Variants in PLXNA1 observed in about 807,000 individuals in gnomAD.
The protein encoded by PLXNA1 is plexin A1.
Under a neutral mutation model 191.7 loss-of-function variants are expected in PLXNA1, and 77 were observed. The observed-to-expected ratio is 0.40, with a 90% CI of 0.33 to 0.49. The LOEUF (loss-of-function observed/expected upper bound fraction) is 0.49, where lower values mean the gene tolerates loss of function less well. PLXNA1 is among the 20% of genes least tolerant of loss of function. The probability of loss-of-function intolerance (pLI) is 0.63; values close to 1 mark genes in which losing one functional copy is unlikely to be tolerated. For missense variants in PLXNA1, 2,110 were observed against 2,660.2 expected (o/e 0.79, Z 4.55); for synonymous variants, 1,137 against 1,156.4 (o/e 0.98, Z 0.34).
At position 127,016,547 on chromosome 3, in the gene PLXNA1, A is replaced by AC. The variant is rs767250803; in HGVS notation, c.3051dup (p.Gly1018ArgfsTer22). ...ACTCCCGTGAGATCCGGTGCCTGAC[A>AC]CCCCCCGGGCAGAGCCCTGGCAGCG... On this transcript the variant is annotated frameshift_variant, in exon 16 of 32. Coordinates refer to ENST00000393409, the MANE Select transcript of PLXNA1 (RefSeq NM_032242.4). LOFTEE classifies it high-confidence loss of function. The AC allele has an allele frequency of 1.9e-6, 3 of 1,613,294 alleles. No homozygotes were observed. The highest frequency in any genetic ancestry group is 8.5e-7 in the Non-Finnish European group (1 of 1,179,796).
intron 8 of PLXNA1, among the ~76,000 whole-genome samples, chr3:127,007,594 T>G (rs551677333): frequency 1.3e-5 from 2 of 152,110 alleles, no homozygotes; most frequent in South Asian, 2.1e-4. Context: ...GCAAGACACC[T>G]CCAGCTGTCG....
At chr3:127,008,015 C>A in intron 9 of PLXNA1, 102 bp downstream of exon 9, 1 of 714,890 alleles carries the variant, frequency 1.4e-6, no homozygotes, top group Non-Finnish European at 2.3e-6. Context: ...CAGGGAGCAC[C>A]TGTGGATGTC....
chr3:127,009,543 G>T (rs967729247), intron 9 of PLXNA1, among the ~76,000 whole-genome samples: 16 of 151,740 alleles, frequency 1.1e-4, no homozygotes, highest in African/African-American at 3.9e-4. Flanking sequence ...ACAATGGCCA[G>T]TGGCAGTCCC....
rs925924527 is a variant in PLXNA1, at chr3:127,014,778, C to T, written c.2824C>T (p.Arg942Trp). ...TGACGCCCTGGTGGAGGTGTGTGTG[C>T]GGGACTGCTCACCACACTACCGCGC... ...AHDALVEVCV[R>W]DCSPHYRALS... The change falls in exon 14 of 32, where the codon CGG becomes TGG. Residue 942 changes from arginine to tryptophan, a missense_variant. This residue lies in a region of PLXNA1 where 644 missense variants were observed against 714.3 expected (regional missense o/e 0.90). Transcript: ENST00000393409. The T allele has an allele frequency of 9.3e-6, 15 of 1,612,494 alleles. No homozygotes were observed. Among genetic ancestry groups the T allele is most frequent in the African/African-American group, 4.0e-5 (3 of 74,926 alleles).
At chr3:127,018,605 C>G in intron 20 of PLXNA1, 77 bp downstream of exon 20, 1 of 1,088,506 alleles carries the variant, frequency 9.2e-7, no homozygotes, top group Non-Finnish European at 1.3e-6. Flanking sequence ...ACCTACTTCC[C>G]ACCGCCGCCC....
chr3:126,988,579 A>G lies in PLXNA1; in HGVS notation c.-15A>G, dbSNP rs780387140. The G allele has an allele frequency of 1.4e-6, 2 of 1,475,020 alleles. No homozygotes were observed. The highest frequency in any genetic ancestry group is 2.8e-5 in the African/African-American group (2 of 70,942). 91.4% of individuals were successfully genotyped at this position (1,475,020 alleles called of 1,614,324 possible). Reference sequence around the variant, plus strand: ...AGCAGGACCAGAGCACCGAGGCCCAAGGCCCCAGCCTGCCATGCCGCTGCC... The same window carrying G: ...AGCAGGACCAGAGCACCGAGGCCCAGGGCCCCAGCCTGCCATGCCGCTGCC... On this transcript the variant is annotated 5_prime_UTR_variant, in exon 2 of 32. Coordinates refer to ENST00000393409, the MANE Select transcript of PLXNA1 (RefSeq NM_032242.4).
In PLXNA1 at chr3:127,029,018, C is replaced by T. The variant is rs931246743; in HGVS notation, c.4695C>T (p.Arg1565=). 3 of 1,613,404 alleles carry T rather than the reference C, an allele frequency of 1.9e-6. No homozygotes were observed. Among genetic ancestry groups the T allele is most frequent in the Non-Finnish European group, 2.5e-6 (3 of 1,179,908 alleles). ...AGTGGCGCCAGGGCCGCATGGCGCG[C>T]ATCATCCTGCAGGACGAGGACGTCA... ...DLEWRQGRMA[R]IILQDEDVTT... Residue 1565 remains arginine (R), a synonymous_variant, in exon 26 of 32, where the codon CGC becomes CGT. Transcript: ENST00000393409.
chr3:127,007,804 T>G lies in PLXNA1; in HGVS notation c.2003T>G (p.Leu668Arg). 6.2e-7 allele frequency: 1 copy of G among 1,610,580 alleles called. No homozygotes were observed. The highest frequency in any genetic ancestry group is 8.5e-7 in the Non-Finnish European group (1 of 1,177,722). ...CACCCACCCTCTCCCTGCAGCTGCC[T>G]GTCCTGTGTCAACGGCTCCTTTCCC... ...FYNCSVHQSC[L>R]SCVNGSFPCH... Residue 668 changes from leucine to arginine, a missense_variant, in exon 9 of 32, where the codon CTG becomes CGG. Physicochemically the swap from Leu to Arg is moderately radical, Grantham distance 102. Coordinates refer to ENST00000393409, the MANE Select transcript of PLXNA1 (RefSeq NM_032242.4).
intron 3 of PLXNA1, among the ~76,000 whole-genome samples, chr3:126,996,929 A>G (rs1181830693): frequency 2.0e-5 from 3 of 152,194 alleles, no homozygotes; most frequent in African/African-American, 7.2e-5. Context: ...ACACACATGG[A>G]AGCGTGCATT....
intron 3 of PLXNA1, among the ~76,000 whole-genome samples, chr3:127,001,739 G>A (rs2079041830): frequency 6.6e-6 from 1 of 152,234 alleles, no homozygotes; most frequent in African/African-American, 2.4e-5. Context: ...GGTGATTGCT[G>A]TGGGCCTGGC....
chr3:126,997,117 T>C (rs571427347), intron 3 of PLXNA1, among the ~76,000 whole-genome samples: 17 of 152,160 alleles, frequency 1.1e-4, no homozygotes, highest in Non-Finnish European at 2.1e-4. Flanking sequence ...TGGGCAGCTG[T>C]GGTGCGTGCC....
Position 127,029,058 on chromosome 3 carries a change from A to G in PLXNA1, c.4735A>G (p.Asn1579Asp), listed in dbSNP as rs762142920. The G allele has an allele frequency of 6.2e-7, 1 of 1,613,760 alleles. No individual in the cohort carries two copies. The highest frequency in any genetic ancestry group is 8.5e-7 in the Non-Finnish European group (1 of 1,179,902). ...CGAGGACGTCACCACCAAGATTGAC[A>G]ACGATTGGAAGAGGCTGAACACACT... ...QDEDVTTKID[N>D]DWKRLNTLAH... is the part of the protein sequence containing the mutation. The change falls in exon 26 of 32, where the codon AAC (asparagine) becomes GAC (aspartate). Residue 1579 changes from asparagine to aspartate, a missense_variant. By Grantham distance (23) the Asn-to-Asp change is conservative. Around this residue, in one of 4 missense-constraint regions of PLXNA1, gnomAD observed 559 missense variants for 911.5 expected, o/e 0.61. Transcript: ENST00000393409.
chr3:127,013,967 G>A (rs2107631458), intron 10 of PLXNA1, 53 bp from the exon 11 acceptor site: 1 of 1,532,262 alleles, frequency 6.5e-7, no homozygotes, highest in Non-Finnish European at 9.0e-7. Context: ...GTGAGGCTTG[G>A]GAGGCCTGGA....
intron 23 of PLXNA1, among the ~76,000 whole-genome samples, chr3:127,023,340 AT>A (rs2079161362): frequency 6.6e-6 from 1 of 152,216 alleles, no homozygotes; most frequent in African/African-American, 2.4e-5. Context: ...GGTGGGCTTT[AT>A]CTGGGCAGTA....
At position 127,015,291 on chromosome 3, in the gene PLXNA1, G is replaced by T; in HGVS notation, c.2985G>T (p.Ser995=). ...HLNAGSDVAV[S]VGGRPCSFSW... ...ACGCAGGCAGTGATGTGGCTGTGTC[G>T]GTCGGTGGCCGGCCCTGCTCCTTCT... Residue 995 remains serine (S), a synonymous_variant, in exon 15 of 32, where the codon TCG becomes TCT. Coordinates refer to ENST00000393409, the MANE Select transcript of PLXNA1 (RefSeq NM_032242.4). The T allele has an allele frequency of 6.2e-7, 1 of 1,610,480 alleles. No homozygotes were observed. Among genetic ancestry groups the T allele is most frequent in the Non-Finnish European group, 8.5e-7 (1 of 1,179,384 alleles).
chr3:127,014,250 G>T lies in PLXNA1; in HGVS notation c.2479G>T (p.Glu827Ter). The change falls in exon 12 of 32, where the codon GAG (glutamate) becomes TAG (stop). Residue 827 changes from glutamate (E) to a stop codon, truncating the protein, a stop_gained. Transcript: ENST00000393409. LOFTEE classifies it high-confidence loss of function. Reference protein sequence around the residue: ...GLCLKADPRFECGWCVAERRC... With the variant: ...GLCLKADPRF ...CTGCCTCAAGGCCGACCCGCGCTTC[G>T]AGTGCGGATGGTGCGTGGCCGAGCG... 1 of 1,601,456 alleles carries T rather than the reference G, an allele frequency of 6.2e-7. No homozygotes were observed. Among genetic ancestry groups the T allele is most frequent in the Non-Finnish European group, 8.5e-7 (1 of 1,174,776 alleles).
Position 127,032,830 on chromosome 3 carries a change from G to T in PLXNA1, c.5589G>T (p.Lys1863Asn), listed in dbSNP as rs369849074. The T allele has an allele frequency of 6.2e-7, 1 of 1,612,866 alleles. No individual in the cohort carries two copies. Among genetic ancestry groups the T allele is most frequent in the African/African-American group, 1.3e-5 (1 of 74,944 alleles). The change falls in exon 31 of 32, where the codon AAG becomes AAT. Residue 1863 changes from lysine (K) to asparagine (N), a missense_variant. By Grantham distance (94) the Lys-to-Asn change is moderately conservative (BLOSUM62 0). Transcript: ENST00000393409. ...TCTACTCCTACATCACCAAGTACAA[G>T]GATGAGGTGAACACCGTGGGAGCCC... ...HEIYSYITKYKDEILAALEKD... is the reference protein window; with the variant it reads ...HEIYSYITKYNDEILAALEKD...
At position 126,989,259 on chromosome 3, in the gene PLXNA1, TGA is replaced by T. The variant is rs1276427696; in HGVS notation, c.668_669del (p.Glu223ValfsTer20). ...ADMFGFVYQD[E>X]FVSSQLKIPS... ...ACATGTTCGGCTTCGTGTACCAGGATGAGTTTGTGTCATCACAGCTCAAGATC... is the reference window on the plus strand; with the variant it reads ...ACATGTTCGGCTTCGTGTACCAGGATGTTTGTGTCATCACAGCTCAAGATC... On this transcript the variant is annotated frameshift_variant, in exon 2 of 32. Transcript: ENST00000393409. LOFTEE classifies it high-confidence loss of function. The T allele has an allele frequency of 6.2e-7, 1 of 1,613,528 alleles. No individual in the cohort carries two copies. The highest frequency in any genetic ancestry group is 2.2e-5 in the East Asian group (1 of 44,900).
intron 31 of PLXNA1, 100 bp from the exon 32 acceptor site, chr3:127,033,822 G>T (rs1488973201): frequency 9.8e-7 from 1 of 1,020,474 alleles, no homozygotes; most frequent in Non-Finnish European, 1.5e-6. Context: ...GGTAGATGGG[G>T]TTGAACCTCT....
Sources: gnomAD v4.1 joint callset for allele counts (sites outside exome capture counted in the v4.1 genomes callset) on GRCh38, gnomAD v4.1.1 for gene constraint, gnomAD v4.1.1 regional missense constraint, MANE v1.5 for transcripts, NCBI Gene and HGNC (gene_info 2026-07-23, HGNC 2026-07-21) for gene names.